SLC7A1: variants seen among roughly 807,000 people sequenced by gnomAD.
The protein encoded by SLC7A1 is solute carrier family 7 member 1.
In SLC7A1, 10 loss-of-function variants were observed where a neutral mutation model predicts 53.9. That is an observed-to-expected ratio of 0.19 (90% CI 0.11 to 0.31). The LOEUF (loss-of-function observed/expected upper bound fraction) is 0.31, where lower values mean the gene tolerates loss of function less well. Among genes scored for constraint, SLC7A1 ranks in the 10% least tolerant of loss-of-function variants. The probability of loss-of-function intolerance (pLI) is 1.00; values close to 1 mark genes in which losing one functional copy is unlikely to be tolerated. For missense variants in SLC7A1, 525 were observed against 827.2 expected (o/e 0.63, Z 4.48); for synonymous variants, 342 against 338.7 (o/e 1.01, Z -0.11).
At chr13:29,577,281 C>G (rs1174205914) in intron 1 of SLC7A1, among the ~76,000 whole-genome samples, 1 of 151,434 alleles carries the variant, frequency 6.6e-6, no homozygotes, top group East Asian at 1.9e-4. Context: ...GGCTGGCATC[C>G]AGCTCTGACT....
intron 1 of SLC7A1, among the ~76,000 whole-genome samples, chr13:29,580,206 A>C (rs983602648): frequency 6.6e-6 from 1 of 151,834 alleles, no homozygotes; most frequent in Admixed American, 6.6e-5. Context: ...GGTCTCTCTA[A>C]CTCCAGGCCG....
intron 1 of SLC7A1, among the ~76,000 whole-genome samples, chr13:29,573,289 G>C (rs1294926920): frequency 6.6e-6 from 1 of 152,102 alleles, no homozygotes; most frequent in Non-Finnish European, 1.5e-5. Context: ...CAAGCAGGTG[G>C]GGCTGTGAGA....
In SLC7A1 at chr13:29,595,497, C is replaced by G. The variant is rs533397262; in HGVS notation, c.-196G>C. On this transcript the variant is annotated 5_prime_UTR_variant, in exon 1 of 13. Coordinates refer to ENST00000380752, the MANE Select transcript of SLC7A1 (RefSeq NM_003045.5). ...GCTCAAGGACCAACGGACGCTCGGC[C>G]GGCGAGACCGGGCGGGGCGGGGCGG... 5.0e-5 allele frequency: 6 copies of G among 119,740 alleles called. No individual in the cohort carries two copies. Among genetic ancestry groups the G allele is most frequent in the Admixed American group, 8.9e-5 (1 of 11,256 alleles). The allele number at this position is 119,740 out of a possible 1,614,324, so 7.4% of individuals were successfully genotyped here. A position where few individuals can be genotyped will look rare whatever the true frequency, so the allele number is the denominator to read the frequency against.
intron 1 of SLC7A1, among the ~76,000 whole-genome samples, chr13:29,568,621 C>G (rs1871067965): frequency 1.3e-5 from 2 of 152,242 alleles, no homozygotes; most frequent in African/African-American, 2.4e-5. Flanking sequence ...AGTCCAGGAG[C>G]TGACACACAA....
intron 1 of SLC7A1, among the ~76,000 whole-genome samples, chr13:29,562,342 T>A (rs1870794814): frequency 6.6e-6 from 1 of 152,240 alleles, no homozygotes; most frequent in African/African-American, 2.4e-5. Context: ...CAACATCATA[T>A]TTTAAAGTGT....
chr13:29,555,037 C>T (rs563605933), intron 1 of SLC7A1, among the ~76,000 whole-genome samples: 44 of 152,286 alleles, frequency 2.9e-4, no homozygotes, highest in African/African-American at 8.2e-4. Context: ...CAACTGACCT[C>T]TACATATGTC....
At chr13:29,519,351 A>G in intron 9 of SLC7A1, 96 bp downstream of exon 9, 1 of 726,596 alleles carries the variant, frequency 1.4e-6, no homozygotes, top group Non-Finnish European at 2.3e-6. Context: ...CACCAACCTA[A>G]AAGTTTCATT....
intron 2 of SLC7A1, among the ~76,000 whole-genome samples, chr13:29,540,117 C>T (rs777882957): frequency 1.3e-5 from 2 of 152,230 alleles, no homozygotes; most frequent in African/African-American, 2.4e-5. Context: ...CGAAGCTACT[C>T]CGCACAGACT....
chr13:29,557,774 AG>A, intron 1 of SLC7A1, among the ~76,000 whole-genome samples: 1 of 80,728 alleles, frequency 1.2e-5, no homozygotes, highest in African/African-American at 5.5e-5. Context: ...AATATGAGTG[AG>A]GGAGGAGTGA....
At chr13:29,569,232 G>A (rs1160616517) in intron 1 of SLC7A1, among the ~76,000 whole-genome samples, 1 of 152,078 alleles carries the variant, frequency 6.6e-6, no homozygotes, top group Non-Finnish European at 1.5e-5. Context: ...GGCGAAGGAG[G>A]ACCCTCTCTG....
At chr13:29,520,678 T>C (rs1868596574) in intron 8 of SLC7A1, among the ~76,000 whole-genome samples, 1 of 152,190 alleles carries the variant, frequency 6.6e-6, no homozygotes, top group African/African-American at 2.4e-5. Flanking sequence ...AGCTAAAATA[T>C]AAACACAAAG....
In SLC7A1 at chr13:29,517,203, C is replaced by T. The variant is rs1299778170; in HGVS notation, c.1618G>A (p.Ala540Thr). 1 of 1,613,352 alleles carries T rather than the reference C, an allele frequency of 6.2e-7. No homozygotes were observed. The highest frequency in any genetic ancestry group is 8.5e-7 in the Non-Finnish European group (1 of 1,179,734). The change falls in exon 11 of 13, where the codon GCC becomes ACC. Residue 540 changes from alanine (A) to threonine (T), a missense_variant. Physicochemically the swap from Ala to Thr is moderately conservative, Grantham distance 58. This residue lies in a region of SLC7A1 where 122 missense variants were observed against 140.9 expected (regional missense o/e 0.87). Transcript: ENST00000380752. ...FLLAGSALLC[A>T]VVTGVIWRQP... ...CTCCAGATGACGCCCGTGACCACGG[C>T]ACAGAGGAGGGCAGACCCTGCGAGC...
At chr13:29,534,341 T>C (rs1377119520) in intron 3 of SLC7A1, among the ~76,000 whole-genome samples, 1 of 152,220 alleles carries the variant, frequency 6.6e-6, no homozygotes, top group African/African-American at 2.4e-5. Context: ...CATTTCATGC[T>C]CAATGTATAT....
intron 5 of SLC7A1, among the ~76,000 whole-genome samples, chr13:29,525,436 G>A (rs903286338): frequency 1.3e-5 from 2 of 152,206 alleles, no homozygotes; most frequent in Non-Finnish European, 2.9e-5. Flanking sequence ...CATGAAGAGA[G>A]GAACCCTGTA....
At chr13:29,542,681 C>A (rs78658656) in intron 2 of SLC7A1, among the ~76,000 whole-genome samples, 350 of 137,174 alleles carry the variant, frequency 2.6e-3, no homozygotes, top group Middle Eastern at 3.8e-3. Flanking sequence ...GACCCTGTTT[C>A]AAAAAAAAAA....
At chr13:29,554,606 G>C (rs1170962091) in intron 1 of SLC7A1, among the ~76,000 whole-genome samples, 1 of 152,166 alleles carries the variant, frequency 6.6e-6, no homozygotes, top group Non-Finnish European at 1.5e-5. Context: ...TTTACACTCT[G>C]CACAGATTCT....
Position 29,536,162 on chromosome 13 carries a change from A to G in SLC7A1, c.27T>C (p.Ile9=). The change falls in exon 3 of 13, where the codon ATT becomes ATC. Residue 9 remains isoleucine (I), a synonymous_variant. Transcript: ENST00000380752. MGCKVLLN[I]GQQMLRRKVV... is the part of the protein sequence containing the mutation. The stretch of plus-strand genomic sequence containing the variant: ...CCTTCCGCCGCAGCATCTGCTGCCC[A>G]ATGTTGAGCAGGACTTTGCACCCCA... 1 of 1,613,798 alleles carries G rather than the reference A, an allele frequency of 6.2e-7. No individual in the cohort carries two copies. The highest frequency in any genetic ancestry group is 8.5e-7 in the Non-Finnish European group (1 of 1,179,898).
chr13:29,519,475 A>C lies in SLC7A1; in HGVS notation c.1264T>G (p.Leu422Val). ...MSIGTLLAYS[L>V]VAACVLVLRY... ...AAGACCAACACACAGGCAGCCACCAACGAGTAAGCCAGGAGAGTGCCAATG... is the reference window on the plus strand; with the variant it reads ...AAGACCAACACACAGGCAGCCACCACCGAGTAAGCCAGGAGAGTGCCAATG... Residue 422 changes from leucine to valine, a missense_variant, in exon 9 of 13, where the codon TTG (leucine) becomes GTG (valine). By Grantham distance (32) the Leu-to-Val change is conservative. This residue lies in a region of SLC7A1 where 354 missense variants were observed against 587.5 expected (regional missense o/e 0.60). Transcript: ENST00000380752. 6.2e-7 allele frequency: 1 copy of C among 1,613,336 alleles called. No individual in the cohort carries two copies. The highest frequency in any genetic ancestry group is 8.5e-7 in the Non-Finnish European group (1 of 1,179,386).
rs959388631 is a variant in SLC7A1 at position 29,510,177 on chromosome 13, A to G, written c.*4303T>C. 1 of 152,618 alleles carries G rather than the reference A, an allele frequency of 6.6e-6. No homozygotes were observed. The highest frequency in any genetic ancestry group is 2.4e-5 in the African/African-American group (1 of 41,458). 9.5% of individuals were successfully genotyped at this position (152,618 alleles called of 1,614,324 possible). ...ACTCAGCACATTTGTAGAATGACCC[A>G]GGAGGGCTCCATGGCAACTGTGCCC... On this transcript the variant is annotated 3_prime_UTR_variant, in exon 13 of 13. Transcript: ENST00000380752.
Sources: gnomAD v4.1 joint callset for allele counts (sites outside exome capture counted in the v4.1 genomes callset) on GRCh38, gnomAD v4.1.1 for gene constraint, gnomAD v4.1.1 regional missense constraint, MANE v1.5 for transcripts, NCBI Gene and HGNC (gene_info 2026-07-23, HGNC 2026-07-21) for gene names.